Variants in ATP10A observed in about 807,000 individuals in gnomAD.
ATP10A encodes ATPase phospholipid transporting 10A (putative), also known as phospholipid-transporting ATPase VA.
A neutral mutation model predicts 147.8 loss-of-function variants in ATP10A; 111 were observed. The ratio of observed to expected loss-of-function variants is 0.75; its 90% CI spans 0.64 to 0.88. The LOEUF is 0.88. ATP10A is among the 40% of genes least tolerant of loss of function. ATP10A has a pLI of 0.00. For missense variants in ATP10A, 1,927 were observed against 1,959.0 expected (o/e 0.98, Z 0.31); for synonymous variants, 875 against 841.6 (o/e 1.04, Z -0.69).
intron 1 of ATP10A, among the ~76,000 whole-genome samples, chr15:25,792,268 T>C (rs1890461076): frequency 6.6e-6 from 1 of 152,196 alleles, no homozygotes; most frequent in Admixed American, 6.5e-5. Flanking sequence ...CACCATTAGC[T>C]TCAGCGCTGA....
chr15:25,779,387 C>T (rs1049628570), intron 2 of ATP10A, among the ~76,000 whole-genome samples: 10 of 152,238 alleles, frequency 6.6e-5, no homozygotes, highest in African/African-American at 1.4e-4. Context: ...AGGTGACATT[C>T]GAGCTATCAG....
At chr15:25,804,506 A>G (rs1288469788) in intron 1 of ATP10A, among the ~76,000 whole-genome samples, 1 of 150,368 alleles carries the variant, frequency 6.7e-6, no homozygotes, top group Non-Finnish European at 1.5e-5. Context: ...TGTGTGTGTG[A>G]CGTGTGTGTA....
chr15:25,804,952 G>A (rs1473972790), intron 1 of ATP10A, among the ~76,000 whole-genome samples: 2 of 152,216 alleles, frequency 1.3e-5, no homozygotes, highest in Non-Finnish European at 2.9e-5. Flanking sequence ...AGCCTGGGTA[G>A]GTGGAGGCTC....
chr15:25,772,085 T>C (rs554185332), intron 2 of ATP10A, among the ~76,000 whole-genome samples: 82 of 152,264 alleles, frequency 5.4e-4, no homozygotes, highest in Admixed American at 1.6e-3. Flanking sequence ...CTGTGATTCC[T>C]ATTTTACCGG....
rs955303236 is a variant in ATP10A, at chr15:25,694,747, G to T, written c.3088+72C>A. ...TGAGGAAGTGTTTTCCCATCTCGTG[G>T]TGTAGCATGGAAGGGTAGAGGAAGT... is the stretch of plus-strand genomic sequence containing the variant. On this transcript the variant is annotated intron_variant, in intron 14 of 20. Coordinates refer to ENST00000555815, the MANE Select transcript of ATP10A (RefSeq NM_024490.4). 9 of 1,327,458 alleles carry T rather than the reference G, an allele frequency of 6.8e-6. No homozygotes were observed. The African/African-American group carries it at 1.2e-4, about 17-fold the overall frequency. 82.2% of individuals were successfully genotyped at this position (1,327,458 alleles called of 1,614,324 possible).
Position 25,714,142 on chromosome 15 carries a change from C to G in ATP10A, c.1876G>C (p.Gly626Arg). 6.2e-7 allele frequency: 1 copy of G among 1,611,694 alleles called. No homozygotes were observed. Among genetic ancestry groups the G allele is most frequent in the Non-Finnish European group, 8.5e-7 (1 of 1,180,030 alleles). Residue 626 changes from glycine to arginine, a missense_variant, in exon 10 of 21, where the codon GGG becomes CGG. By Grantham distance (125) the Gly-to-Arg change is moderately radical (BLOSUM62 -2). Coordinates refer to ENST00000555815, the MANE Select transcript of ATP10A (RefSeq NM_024490.4). ...SCLTSGCSSI[G>R]SLAANKSSHK... ...CTGGACTTGTTGGCGGCCAGGCTCC[C>G]GATGCTGCTGCAGCCTGAGGTCAGG... is the stretch of plus-strand genomic sequence containing the variant.
intron 1 of ATP10A, among the ~76,000 whole-genome samples, chr15:25,828,097 A>T (rs1008795956): frequency 6.6e-6 from 1 of 152,216 alleles, no homozygotes; most frequent in African/African-American, 2.4e-5. Flanking sequence ...ATCCATCAGA[A>T]GGCCATAACA....
At position 25,698,099 on chromosome 15, in the gene ATP10A, A is replaced by G. The variant is rs559196154; in HGVS notation, c.2761-2953T>C. On this transcript the variant is annotated intron_variant, in intron 13 of 20. Transcript: ENST00000555815. ...AGTGTTCTGGATGGGATCCCAGAAC[A>G]AAAAAAGGACACTAGGTAAAAACTA... Among the ~76,000 whole-genome samples the G allele has an allele frequency of 2.0e-5, 3 of 152,326 alleles. No individual in the cohort carries two copies. In the East Asian group the frequency reaches 5.8e-4, roughly 29 times the overall value.
At chr15:25,818,860 G>A (rs545001869) in intron 1 of ATP10A, among the ~76,000 whole-genome samples, 2 of 152,250 alleles carry the variant, frequency 1.3e-5, no homozygotes, top group African/African-American at 4.8e-5. Context: ...TCAATAAATG[G>A]TGCTGGGGAA....
chr15:25,860,693 C>T (rs1046051169), intron 1 of ATP10A, among the ~76,000 whole-genome samples: 2 of 151,952 alleles, frequency 1.3e-5, no homozygotes, highest in African/African-American at 4.8e-5. Context: ...TGGGTGTAGT[C>T]CAAATGGAAG....
intron 12 of ATP10A, among the ~76,000 whole-genome samples, chr15:25,704,158 T>C (rs1900837157): frequency 6.6e-6 from 1 of 152,228 alleles, no homozygotes; most frequent in African/African-American, 2.4e-5. Flanking sequence ...GTGTCACTTG[T>C]ACTATGACAG....
At chr15:25,715,199 T>C (rs8031559) in intron 9 of ATP10A, among the ~76,000 whole-genome samples, 53,927 of 152,138 alleles carry the variant, frequency 0.35, 10,303 homozygotes, top group African/African-American at 0.49. Context: ...TAAAGCAAGG[T>C]GCATAGAGCC....
At chr15:25,715,437 C>T (rs891284048) in intron 9 of ATP10A, among the ~76,000 whole-genome samples, 1 of 152,240 alleles carries the variant, frequency 6.6e-6, no homozygotes, top group African/African-American at 2.4e-5. Flanking sequence ...GAACTCAAGC[C>T]GTGTAACCTT....
chr15:25,691,779 T>C lies in ATP10A; in HGVS notation c.3101A>G (p.Asn1034Ser). The C allele has an allele frequency of 6.2e-7, 1 of 1,614,172 alleles. No individual in the cohort carries two copies. Among genetic ancestry groups the C allele is most frequent in the Non-Finnish European group, 8.5e-7 (1 of 1,180,022 alleles). The change falls in exon 15 of 21, where the codon AAT becomes AGT. Residue 1034 changes from asparagine to serine, a missense_variant. Asn to Ser is a conservative substitution (Grantham distance 46). Coordinates refer to ENST00000555815, the MANE Select transcript of ATP10A (RefSeq NM_024490.4). ...TGCCACCTGGATCATGCTGACATCA[T>C]TGGCTCCATCACCTAGAAACAGCAC... The part of the protein sequence containing the change: ...AMTLAIGDGA[N>S]DVSMIQVADV...
At chr15:25,810,123 C>G (rs1384732444) in intron 1 of ATP10A, among the ~76,000 whole-genome samples, 1 of 152,170 alleles carries the variant, frequency 6.6e-6, no homozygotes, top group East Asian at 1.9e-4. Context: ...ACTTCCTGAT[C>G]ACTCCCAGTG....
chr15:25,763,783 A>G (rs951700530), intron 2 of ATP10A, among the ~76,000 whole-genome samples: 1 of 152,232 alleles, frequency 6.6e-6, no homozygotes, highest in Non-Finnish European at 1.5e-5. Context: ...TGGATCAATC[A>G]ATAAGCAATG....
intron 17 of ATP10A, 126 bp downstream of exon 17, chr15:25,683,160 A>T (rs1899516015): frequency 4.5e-6 from 4 of 881,610 alleles, no homozygotes; most frequent in Non-Finnish European, 5.2e-6. Context: ...TAGAATGGTG[A>T]ATTCTAGAAT....
intron 1 of ATP10A, among the ~76,000 whole-genome samples, chr15:25,810,212 C>T (rs4625699): frequency 0.013 from 2,046 of 152,238 alleles, 20 homozygotes; most frequent in Non-Finnish European, 0.022. Flanking sequence ...CCTCATTTCC[C>T]CCCAGACCTT....
rs573625217 is a variant in ATP10A, at chr15:25,683,595, G to A, written c.3292-109C>T. ...CAGAGTTTCACAGTCAAGATTAAAT[G>A]TATTGGCAGCGATTTCTGCCAAAGA... On this transcript the variant is annotated intron_variant, in intron 16 of 20. Coordinates refer to ENST00000555815, the MANE Select transcript of ATP10A (RefSeq NM_024490.4). 12 of 1,092,144 alleles carry A rather than the reference G, an allele frequency of 1.1e-5. No individual in the cohort carries two copies. In the South Asian group the frequency reaches 1.8e-4, roughly 16 times the overall value. The allele number at this position is 1,092,144 out of a possible 1,614,324, so 67.7% of individuals were successfully genotyped here. A position where few individuals can be genotyped will look rare whatever the true frequency, so the allele number is the denominator to read the frequency against.
Sources: allele counts gnomAD v4.1 joint callset (sites outside exome capture counted in the v4.1 genomes callset), GRCh38; gene constraint gnomAD v4.1.1; transcripts MANE v1.5; gene names NCBI Gene and HGNC (gene_info 2026-07-23, HGNC 2026-07-21).